The following ASPM variants were observed in gnomAD, a reference collection of about 807,000 sequenced individuals.
ASPM encodes the protein assembly factor for spindle microtubules.
In ASPM, 256 loss-of-function variants were observed where a neutral mutation model predicts 366.4. The observed-to-expected ratio is 0.70, with a 90% CI of 0.63 to 0.77. The LOEUF (loss-of-function observed/expected upper bound fraction) is 0.77, where lower values mean the gene tolerates loss of function less well. Ranked by LOEUF, ASPM falls within the 30% of genes least tolerant of loss-of-function variation. The probability of loss-of-function intolerance (pLI) is 0.00; values close to 1 mark genes in which losing one functional copy is unlikely to be tolerated. For missense variants in ASPM, 4,146 were observed against 4,090.4 expected (o/e 1.01, Z -0.37); for synonymous variants, 1,414 against 1,342.9 (o/e 1.05, Z -1.16).
chr1:197,105,032 A>G lies in ASPM; in HGVS notation c.4219T>C (p.Tyr1407His). 1 of 1,610,666 alleles carries G rather than the reference A, an allele frequency of 6.2e-7. No homozygotes were observed. Among genetic ancestry groups the G allele is most frequent in the Non-Finnish European group, 8.5e-7 (1 of 1,178,120 alleles). ...TVTIQRHWRA[Y>H]LRRKQDQQRY... ...TGTTGATCTTGTTTTCTTCTTAAAT[A>G]AGCACGCCAATGCCTCTGAATTGTA... Residue 1407 changes from tyrosine (Y) to histidine (H), a missense_variant, in exon 18 of 28, where the codon TAT (tyrosine) becomes CAT (histidine). By Grantham distance (83) the Tyr-to-His change is moderately conservative. Coordinates refer to ENST00000367409, the MANE Select transcript of ASPM (RefSeq NM_018136.5).
At chr1:197,125,764 A>C (rs1296003400) in intron 10 of ASPM, among the ~76,000 whole-genome samples, 1 of 152,068 alleles carries the variant, frequency 6.6e-6, no homozygotes, top group Non-Finnish European at 1.5e-5. Context: ...ATATGTATAT[A>C]TACACGCACG....
chr1:197,104,639 G>C lies in ASPM; in HGVS notation c.4612C>G (p.Arg1538Gly). The C allele has an allele frequency of 6.2e-7, 1 of 1,612,934 alleles. No individual in the cohort carries two copies. The highest frequency in any genetic ancestry group is 8.5e-7 in the Non-Finnish European group (1 of 1,179,386). Residue 1538 changes from arginine to glycine, a missense_variant, in exon 18 of 28, where the codon CGA becomes GGA. By Grantham distance (125) the Arg-to-Gly change is moderately radical. This residue lies in a region of ASPM where 3,624 missense variants were observed against 3,591.7 expected (regional missense o/e 1.01). Transcript: ENST00000367409. ...GCTTGTAATTGAATGGCTGCAGCTC[G>C]TTTCTGCAAATAGTTGGTGCGCTCA... The part of the protein sequence containing the change: ...KIERTNYLQK[R>G]AAAIQLQAAF...
rs577223455 is a variant in ASPM, at chr1:197,096,829, A to T, written c.8821-665T>A. ...ACTTGTTGATGTCACACAGGTTAAT[A>T]AGTGGCAGAGTTGTCTTACTTAATA... On this transcript the variant is annotated intron_variant, in intron 18 of 27. Coordinates refer to ENST00000367409, the MANE Select transcript of ASPM (RefSeq NM_018136.5). Among the ~76,000 whole-genome samples the T allele has an allele frequency of 3.4e-4, 52 of 151,916 alleles. No individual in the cohort carries two copies. The Middle Eastern group carries it at 0.014, about 40-fold the overall frequency.
intron 4 of ASPM, among the ~76,000 whole-genome samples, chr1:197,139,482 A>C (rs1472702123): frequency 6.6e-6 from 1 of 152,162 alleles, no homozygotes; most frequent in African/African-American, 2.4e-5. Context: ...CCGCAGTCCA[A>C]ATATCTGTCT....
chr1:197,088,285 T>C lies in ASPM; in HGVS notation c.10132A>G (p.Ile3378Val), dbSNP rs751321390. Residue 3378 changes from isoleucine (I) to valine (V), a missense_variant, in exon 26 of 28, where the codon ATT becomes GTT. Ile to Val is a conservative substitution (Grantham distance 29). Transcript: ENST00000367409. ...IFTKTCCLLA[I>V]LLKTTNRASD... ...GCTCTATTTGTTGTCTTCAGTAAAA[T>C]AGCCAACAAACAACAAGTTTTTGTA... 21 of 1,613,228 alleles carry C rather than the reference T, an allele frequency of 1.3e-5. No individual in the cohort carries two copies. Among genetic ancestry groups the C allele is most frequent in the African/African-American group, 4.0e-5 (3 of 74,856 alleles).
chr1:197,121,941 G>C lies in ASPM; in HGVS notation c.3844C>G (p.Leu1282Val). 1.2e-6 allele frequency: 2 copies of C among 1,611,028 alleles called. No individual in the cohort carries two copies. The highest frequency in any genetic ancestry group is 8.5e-7 in the Non-Finnish European group (1 of 1,177,650). Residue 1282 changes from leucine to valine, a missense_variant, in exon 16 of 28, where the codon CTA (leucine) becomes GTA (valine). By Grantham distance (32) the Leu-to-Val change is conservative. Transcript: ENST00000367409. ...LIQTTWRKYK[L>V]KTDLKRHQER... Reference sequence around the variant, plus strand: ...TGATGGCGTTTGAGATCTGTTTTTAGTTTATATTTTCTCCATGTTGTTTGT... The same window carrying C: ...TGATGGCGTTTGAGATCTGTTTTTACTTTATATTTTCTCCATGTTGTTTGT...
intron 7 of ASPM, among the ~76,000 whole-genome samples, chr1:197,130,434 T>C (rs6690730): frequency 0.3 from 46,341 of 152,036 alleles, 8,845 homozygotes; most frequent in Middle Eastern, 0.46. Context: ...ATATTCAAAT[T>C]TTTATGATAG....
At chr1:197,086,571 T>TTATTATA (rs1447662850) in intron 27 of ASPM, among the ~76,000 whole-genome samples, 1 of 152,212 alleles carries the variant, frequency 6.6e-6, no homozygotes, top group Non-Finnish European at 1.5e-5. Context: ...CTCTTAACTA[T>TTATTATA]TTAATATAAG....
intron 1 of ASPM, 32 bp from the exon 2 acceptor site, chr1:197,144,132 A>T: frequency 4.1e-6 from 6 of 1,447,970 alleles, no homozygotes; most frequent in Non-Finnish European, 5.8e-6. Flanking sequence ...ATATAATTAC[A>T]ATAGTAATTA....
At chr1:197,106,994 C>T (rs533207082) in intron 17 of ASPM, among the ~76,000 whole-genome samples, 2 of 152,080 alleles carry the variant, frequency 1.3e-5, no homozygotes, top group South Asian at 4.1e-4. Flanking sequence ...TTTGTTTTTC[C>T]TCATACAAAA....
intron 17 of ASPM, among the ~76,000 whole-genome samples, chr1:197,105,563 C>T (rs1172578029): frequency 6.6e-6 from 1 of 151,716 alleles, no homozygotes; most frequent in African/African-American, 2.4e-5. Flanking sequence ...TTATATGGTC[C>T]CCTTACTTCA....
At chr1:197,119,094 A>G (rs1332385936) in intron 16 of ASPM, among the ~76,000 whole-genome samples, 1 of 152,194 alleles carries the variant, frequency 6.6e-6, no homozygotes, top group Non-Finnish European at 1.5e-5. Flanking sequence ...GAAATAATCA[A>G]ACTGTTATTT....
chr1:197,084,792 C>G (rs528434260), intron 27 of ASPM, among the ~76,000 whole-genome samples: 2 of 152,302 alleles, frequency 1.3e-5, no homozygotes, highest in South Asian at 4.1e-4. Flanking sequence ...AGCCAACAAC[C>G]TAGTCCGTTT....
chr1:197,105,580 C>A (rs989921367), intron 17 of ASPM, among the ~76,000 whole-genome samples: 2 of 152,030 alleles, frequency 1.3e-5, no homozygotes, highest in Non-Finnish European at 2.9e-5. Flanking sequence ...TTCAATGTTT[C>A]TAAGCTACCT....
At chr1:197,089,406 TCA>T (rs1656700926) in intron 25 of ASPM, among the ~76,000 whole-genome samples, 2 of 152,034 alleles carry the variant, frequency 1.3e-5, no homozygotes, top group Admixed American at 1.3e-4. Context: ...TATTTTTCTT[TCA>T]CACACTTTGC....
At position 197,102,149 on chromosome 1, in the gene ASPM, A is replaced by AGG; in HGVS notation, c.7101_7102insCC (p.Tyr2368ProfsTer23). 1.2e-6 allele frequency: 2 copies of AGG among 1,612,860 alleles called. No homozygotes were observed. The highest frequency in any genetic ancestry group is 1.7e-6 in the Non-Finnish European group (2 of 1,179,282). On this transcript the variant is annotated frameshift_variant, in exon 18 of 28. Transcript: ENST00000367409. LOFTEE classifies it high-confidence loss of function. ...AGTTTTGCAGCTCTATTTGCTTGGT[A>AGG]TTGCTGTTGGATCACAACGGAGGCC...
rs757281037 is a variant in ASPM at position 197,104,373 on chromosome 1, T to G, written c.4878A>C (p.Leu1626=). The stretch of plus-strand genomic sequence containing the variant: ...CAGAGCGTGTTTTCTGGTAAGATGC[T>G]AGAACTTTCATGGCAAAAATATAAG... ...FRAYIFAMKV[L]ASYQKTRSAV... The change falls in exon 18 of 28, where the codon CTA becomes CTC. Residue 1626 remains leucine, a synonymous_variant. Transcript: ENST00000367409. The G allele has an allele frequency of 6.2e-7, 1 of 1,613,134 alleles. No individual in the cohort carries two copies. The highest frequency in any genetic ancestry group is 2.2e-5 in the East Asian group (1 of 44,818).
At chr1:197,133,232 C>T (rs959833981) in intron 6 of ASPM, 118 bp downstream of exon 6, 1 of 1,080,276 alleles carries the variant, frequency 9.3e-7, no homozygotes, top group East Asian at 2.5e-5. Context: ...TGTTGTATAC[C>T]TTAAATATAT....
chr1:197,146,067 T>G (rs1424685913), intron 1 of ASPM, 74 bp downstream of exon 1: 1 of 1,585,582 alleles, frequency 6.3e-7, no homozygotes, highest in Non-Finnish European at 8.7e-7. Flanking sequence ...TCGTCAACCT[T>G]CCTGAGGAGG....
Sources: allele counts gnomAD v4.1 joint callset (sites outside exome capture counted in the v4.1 genomes callset), GRCh38; gene constraint gnomAD v4.1.1; regional missense constraint gnomAD v4.1.1; transcripts MANE v1.5; gene names NCBI Gene and HGNC (gene_info 2026-07-23, HGNC 2026-07-21).